Variants in CLSTN2 observed in about 807,000 individuals in gnomAD.
The protein encoded by CLSTN2 is calsyntenin-2.
In CLSTN2, 48 loss-of-function variants were observed where a neutral mutation model predicts 101.2. The observed-to-expected ratio is 0.47, with a 90% confidence interval of 0.38 to 0.60. CLSTN2 has a LOEUF of 0.60. Among genes scored for constraint, CLSTN2 ranks in the 20% least tolerant of loss-of-function variants. The probability of loss-of-function intolerance (pLI) is 0.00; values close to 1 mark genes in which losing one functional copy is unlikely to be tolerated. For missense variants in CLSTN2, 1,160 were observed against 1,238.2 expected (o/e 0.94, Z 0.95); for synonymous variants, 481 against 463.6 (o/e 1.04, Z -0.48).
chr3:140,465,650 A>T (rs2108020433), intron 7 of CLSTN2, among the ~76,000 whole-genome samples: 1 of 152,356 alleles, frequency 6.6e-6, no homozygotes, highest in Non-Finnish European at 1.5e-5. Context: ...AGGAATTGGT[A>T]GCAGTATTCC....
chr3:139,987,421 G>A (rs1936044068), intron 1 of CLSTN2, among the ~76,000 whole-genome samples: 1 of 152,168 alleles, frequency 6.6e-6, no homozygotes, highest in African/African-American at 2.4e-5. Context: ...GGCAAACAGA[G>A]CCACTGAAAA....
intron 2 of CLSTN2, among the ~76,000 whole-genome samples, chr3:140,308,562 T>G (rs1278181396): frequency 2.0e-5 from 3 of 152,236 alleles, no homozygotes; most frequent in Admixed American, 6.5e-5. Context: ...TTGAAGTGAC[T>G]GACTGCAATT....
intron 1 of CLSTN2, among the ~76,000 whole-genome samples, chr3:140,127,887 T>C (rs912243233): frequency 2.6e-5 from 4 of 152,188 alleles, no homozygotes; most frequent in African/African-American, 7.2e-5. Flanking sequence ...TTGTGTTTCA[T>C]ACCAAACCCT....
intron 8 of CLSTN2, among the ~76,000 whole-genome samples, chr3:140,522,661 CTTTCAAGGATATTTGTTGGAATTTATCA>C (rs1455476784): frequency 6.6e-6 from 1 of 152,248 alleles, no homozygotes; most frequent in African/African-American, 2.4e-5. Context: ...AGCCACACAT[CTTTCAAGGATATTTGTTGGAATTTATCA>C]TTTTGTCATA....
chr3:140,013,346 G>C (rs771013813), intron 1 of CLSTN2, among the ~76,000 whole-genome samples: 3 of 152,202 alleles, frequency 2.0e-5, no homozygotes, highest in Non-Finnish European at 4.4e-5. Flanking sequence ...GTGCTGCCCT[G>C]TCCCAGCCAC....
intron 2 of CLSTN2, among the ~76,000 whole-genome samples, chr3:140,324,695 A>G (rs1310703018): frequency 6.6e-6 from 1 of 152,256 alleles, no homozygotes; most frequent in Non-Finnish European, 1.5e-5. Context: ...CCCTCTTGAC[A>G]TGAATCTGCA....
chr3:140,538,645 A>C (rs968995224), intron 9 of CLSTN2, among the ~76,000 whole-genome samples: 1 of 152,202 alleles, frequency 6.6e-6, no homozygotes, highest in South Asian at 2.1e-4. Context: ...GCATGCCTTC[A>C]TTTAATAAGC....
At chr3:140,310,152 C>T (rs2087151899) in intron 2 of CLSTN2, among the ~76,000 whole-genome samples, 1 of 152,308 alleles carries the variant, frequency 6.6e-6, no homozygotes, top group South Asian at 2.1e-4. Context: ...CCCCGGGTTA[C>T]TACAGCAGTC....
rs146333982 is a variant in CLSTN2, at chr3:140,101,812, G to T, written c.110-74139G>T. ...GGAAGGGGAGGAAACGATGGAAAAGGCACAACTGCTTTTAACTGCGCTGGC... is the reference window on the plus strand; with the variant it reads ...GGAAGGGGAGGAAACGATGGAAAAGTCACAACTGCTTTTAACTGCGCTGGC... On this transcript the variant is annotated intron_variant, in intron 1 of 16. Transcript: ENST00000458420. Among the ~76,000 whole-genome samples, 117 of 152,288 alleles carry T rather than the reference G, an allele frequency of 7.7e-4. 2 individuals are homozygous for T. The highest frequency in any genetic ancestry group is 2.4e-3 in the African/African-American group (101 of 41,554).
intron 1 of CLSTN2, among the ~76,000 whole-genome samples, chr3:140,060,968 T>A (rs912624511): frequency 6.6e-6 from 1 of 151,554 alleles, no homozygotes; most frequent in Admixed American, 6.6e-5. Context: ...GACAGAGGAG[T>A]TAACGATCAG....
At chr3:140,253,346 A>G (rs186341233) in intron 2 of CLSTN2, among the ~76,000 whole-genome samples, 272 of 152,296 alleles carry the variant, frequency 1.8e-3, no homozygotes, top group Admixed American at 5.0e-3. Flanking sequence ...AGCTTTCTCC[A>G]TCCCCAGAAA....
chr3:139,951,122 G>T (rs1935287451), intron 1 of CLSTN2, among the ~76,000 whole-genome samples: 1 of 152,192 alleles, frequency 6.6e-6, no homozygotes, highest in Non-Finnish European at 1.5e-5. Context: ...GTACAGGGAA[G>T]AGAACTGTGG....
chr3:140,177,757 A>G (rs140468007), intron 2 of CLSTN2, among the ~76,000 whole-genome samples: 33 of 152,288 alleles, frequency 2.2e-4, no homozygotes, highest in African/African-American at 6.0e-4. Flanking sequence ...GATTGCACCA[A>G]CTGCACTCTA....
At chr3:140,084,289 G>A (rs1387407031) in intron 1 of CLSTN2, among the ~76,000 whole-genome samples, 1 of 152,148 alleles carries the variant, frequency 6.6e-6, no homozygotes, top group Non-Finnish European at 1.5e-5. Flanking sequence ...CAGGATTCAG[G>A]ATGTGACTAT....
chr3:140,048,654 A>G (rs189803997), intron 1 of CLSTN2, among the ~76,000 whole-genome samples: 13 of 152,362 alleles, frequency 8.5e-5, no homozygotes, highest in Admixed American at 7.8e-4. Flanking sequence ...GCTAGAGAGT[A>G]GAAGAGCTGG....
At chr3:140,276,399 T>TATGGGCTTA (rs753116584) in intron 2 of CLSTN2, among the ~76,000 whole-genome samples, 8 of 152,200 alleles carry the variant, frequency 5.3e-5, no homozygotes, top group Non-Finnish European at 1.0e-4. Flanking sequence ...CCTTCACGGC[T>TATGGGCTTA]CAGTTATGAG....
At chr3:140,419,589 G>A (rs370510389) in intron 4 of CLSTN2, among the ~76,000 whole-genome samples, 7 of 55,606 alleles carry the variant, frequency 1.3e-4, no homozygotes, top group Non-Finnish European at 2.0e-4. Flanking sequence ...ATACGTGTAC[G>A]TATATATGTA....
chr3:140,177,009 C>G (rs913396233), intron 2 of CLSTN2, among the ~76,000 whole-genome samples: 1 of 152,082 alleles, frequency 6.6e-6, no homozygotes, highest in Non-Finnish European at 1.5e-5. Context: ...AAGAGATAAG[C>G]TTTGTGAAGA....
Position 140,521,229 on chromosome 3 carries a change from T to C in CLSTN2, c.1345-11095T>C, listed in dbSNP as rs188326167. 2.0e-5 allele frequency among the ~76,000 whole-genome samples: 3 copies of C among 152,274 alleles called. No individual in the cohort carries two copies. The East Asian group carries it at 5.8e-4, about 29-fold the overall frequency. On this transcript the variant is annotated intron_variant, in intron 8 of 16. Coordinates refer to ENST00000458420, the MANE Select transcript of CLSTN2 (RefSeq NM_022131.3). ...GAGGAGGCACTCTGACTTTTTGAGT[T>C]TTCAGCGTTTTTGCATTTATTCGTT...
Sources: gnomAD v4.1 joint callset for allele counts (sites outside exome capture counted in the v4.1 genomes callset) on GRCh38, gnomAD v4.1.1 for gene constraint, MANE v1.5 for transcripts, NCBI Gene and HGNC (gene_info 2026-07-23, HGNC 2026-07-21) for gene names.